The following EYS variants were observed in gnomAD, a reference collection of about 807,000 sequenced individuals.
The protein encoded by EYS is EGF-like photoreceptor maintenance factor.
EYS carries 250 observed loss-of-function variants against 282.1 expected under a neutral mutation model. The observed-to-expected ratio is 0.89, with a 90% CI of 0.80 to 0.98. EYS has a LOEUF of 0.98. Among genes scored for constraint, EYS ranks in the 50% least tolerant of loss-of-function variants. The pLI is 0.00. For missense variants in EYS, 4,016 were observed against 3,709.0 expected, an observed-to-expected ratio of 1.08 and a Z score of -2.15; for synonymous variants, 1,355 against 1,282.9, an observed-to-expected ratio of 1.06 and a Z score of -1.20.
intron 35 of EYS, among the ~76,000 whole-genome samples, chr6:63,957,432 C>T (rs2149771954): frequency 7.1e-6 from 1 of 140,358 alleles, no homozygotes; most frequent in African/African-American, 2.4e-5. Context: ...CAAAATGCTA[C>T]CAGTATTGAT....
At chr6:65,648,006 G>C (rs559556951) in intron 1 of EYS, among the ~76,000 whole-genome samples, 1 of 83,630 alleles carries the variant, frequency 1.2e-5, no homozygotes, top group East Asian at 3.8e-4. Context: ...TGCAAGAATG[G>C]CCAAAATAAA....
chr6:65,088,904 A>C (rs1400922323), intron 12 of EYS, among the ~76,000 whole-genome samples: 1 of 152,120 alleles, frequency 6.6e-6, no homozygotes, highest in African/African-American at 2.4e-5. Context: ...ATGGCAAAAA[A>C]GGGCCAAGGT....
chr6:65,039,317 T>C (rs1772862183), intron 13 of EYS, among the ~76,000 whole-genome samples: 1 of 151,574 alleles, frequency 6.6e-6, no homozygotes, highest in African/African-American at 2.4e-5. Context: ...AAATTAATTG[T>C]ATAAGTGTGG....
chr6:63,792,647 T>C (rs1770546906), intron 37 of EYS, among the ~76,000 whole-genome samples: 1 of 151,940 alleles, frequency 6.6e-6, no homozygotes, highest in Admixed American at 6.6e-5. Flanking sequence ...CTTATACCAC[T>C]TGCATGAGAA....
At chr6:63,952,891 A>G (rs146195121) in intron 35 of EYS, among the ~76,000 whole-genome samples, 140 of 152,180 alleles carry the variant, frequency 9.2e-4, no homozygotes, top group African/African-American at 3.3e-3. Context: ...CATGCTTTAA[A>G]AGGATTAAAG....
In EYS at chr6:64,693,196, G is replaced by A. The variant is rs374830087; in HGVS notation, c.3444-66951C>T. ...TTAGGTAAATTTAAAATATTATCATGTTCGTTAATTGAAAGACTTAATTTT... is the reference window on the plus strand; with the variant it reads ...TTAGGTAAATTTAAAATATTATCATATTCGTTAATTGAAAGACTTAATTTT... On this transcript the variant is annotated intron_variant, in intron 22 of 42. Coordinates refer to ENST00000503581, the MANE Select transcript of EYS (RefSeq NM_001142800.2). 3.3e-5 allele frequency among the ~76,000 whole-genome samples: 5 copies of A among 151,618 alleles called. No individual in the cohort carries two copies. In the East Asian group the frequency reaches 7.8e-4, roughly 24 times the overall value.
chr6:65,316,754 T>A (rs1172900703), intron 11 of EYS, among the ~76,000 whole-genome samples: 1 of 152,130 alleles, frequency 6.6e-6, no homozygotes, highest in Non-Finnish European at 1.5e-5. Context: ...CCTGTATTAG[T>A]TTGCTAAGAA....
chr6:65,198,363 C>A (rs1216117253), intron 12 of EYS, among the ~76,000 whole-genome samples: 1 of 152,070 alleles, frequency 6.6e-6, no homozygotes, highest in Non-Finnish European at 1.5e-5. Context: ...AAAGAATATA[C>A]TCTAAAGTAA....
intron 22 of EYS, among the ~76,000 whole-genome samples, chr6:64,658,692 G>A (rs1006270658): frequency 3.3e-5 from 5 of 152,206 alleles, no homozygotes; most frequent in Admixed American, 6.5e-5. Context: ...AGCAAATGTT[G>A]CTACTGGATC....
intron 26 of EYS, among the ~76,000 whole-genome samples, chr6:64,453,494 A>G (rs1434061792): frequency 2.0e-5 from 3 of 152,222 alleles, no homozygotes; most frequent in African/African-American, 2.4e-5. Context: ...TGACCCTGCC[A>G]TCCCATTACT....
At chr6:63,976,564 G>C (rs890514008) in intron 35 of EYS, among the ~76,000 whole-genome samples, 6 of 151,994 alleles carry the variant, frequency 3.9e-5, no homozygotes, top group African/African-American at 1.4e-4. Context: ...ACATTAACTA[G>C]TTTTGTCTCT....
At chr6:65,330,010 A>C (rs1769738087) in intron 11 of EYS, 2 of 984,264 alleles carry the variant, frequency 2.0e-6, no homozygotes, top group Non-Finnish European at 2.4e-6. Context: ...GAAACAGGTT[A>C]AATTTAAAAC....
intron 41 of EYS, among the ~76,000 whole-genome samples, chr6:63,737,518 A>G (rs188822731): frequency 8.2e-4 from 125 of 152,288 alleles, no homozygotes; most frequent in African/African-American, 2.8e-3. Flanking sequence ...TTTTGCATCA[A>G]TGTTCGTCAA....
intron 26 of EYS, among the ~76,000 whole-genome samples, chr6:64,455,512 T>C (rs1032832986): frequency 2.6e-5 from 4 of 152,148 alleles, no homozygotes; most frequent in African/African-American, 9.7e-5. Context: ...GGTAGACATG[T>C]GCCATGGTGG....
At chr6:64,292,914 A>G (rs983269969) in intron 30 of EYS, among the ~76,000 whole-genome samples, 4 of 152,138 alleles carry the variant, frequency 2.6e-5, no homozygotes, top group African/African-American at 7.2e-5. Flanking sequence ...TGAGGAAACT[A>G]TGAAGTCACA....
chr6:63,832,305 T>C (rs1230637066), intron 36 of EYS, among the ~76,000 whole-genome samples: 1 of 151,778 alleles, frequency 6.6e-6, no homozygotes, highest in Non-Finnish European at 1.5e-5. Flanking sequence ...ATCAACAAAA[T>C]TGATAGACCG....
chr6:65,317,816 T>G, intron 11 of EYS, among the ~76,000 whole-genome samples: 1 of 53,102 alleles, frequency 1.9e-5, no homozygotes, highest in Non-Finnish European at 3.4e-5. Flanking sequence ...CTTCCTTCCT[T>G]CCTTCCTTCC....
At chr6:64,279,863 A>G (rs1361200120) in intron 30 of EYS, among the ~76,000 whole-genome samples, 1 of 152,146 alleles carries the variant, frequency 6.6e-6, no homozygotes, top group Non-Finnish European at 1.5e-5. Context: ...AGAATCACAT[A>G]TTTTAGATTA....
Position 64,591,648 on chromosome 6 carries a change from G to A in EYS, c.4219C>T (p.Gln1407Ter), listed in dbSNP as rs1421392730. 4 of 1,551,220 alleles carry A rather than the reference G, an allele frequency of 2.6e-6. No individual in the cohort carries two copies. Among genetic ancestry groups the A allele is most frequent in the Non-Finnish European group, 3.5e-6 (4 of 1,146,724 alleles). The change falls in exon 26 of 43, where the codon CAA becomes TAA. Residue 1407 changes from glutamine (Q) to a stop codon, truncating the protein, a stop_gained. Coordinates refer to ENST00000503581, the MANE Select transcript of EYS (RefSeq NM_001142800.2). LOFTEE classifies it high-confidence loss of function. ...SLMSDFIFPT[Q>*]SLLFENCQTV... ...TGACAGTTCTCAAATAATAAAGATTGTGTAGGAAAAATAAAATCTGACATT... is the reference window on the plus strand; with the variant it reads ...TGACAGTTCTCAAATAATAAAGATTATGTAGGAAAAATAAAATCTGACATT...
Sources: allele counts gnomAD v4.1 joint callset (sites outside exome capture counted in the v4.1 genomes callset), GRCh38; gene constraint gnomAD v4.1.1; transcripts MANE v1.5; gene names NCBI Gene and HGNC (gene_info 2026-07-23, HGNC 2026-07-21).